PUDP: variants seen among roughly 807,000 people sequenced by gnomAD.
The protein encoded by PUDP is pseudouridine 5'-phosphatase.
In PUDP, 8 loss-of-function variants were observed where a neutral mutation model predicts 9.4. The observed-to-expected ratio is 0.85, with a 90% confidence interval of 0.50 to 1.53. The LOEUF (loss-of-function observed/expected upper bound fraction) is 1.53, where lower values mean the gene tolerates loss of function less well. Among genes scored for constraint, PUDP ranks in the 40% most tolerant of loss-of-function variants. The pLI is 0.00. For missense variants in PUDP, 188 were observed against 189.7 expected, an observed-to-expected ratio of 0.99 and a Z score of 0.05; for synonymous variants, 99 against 80.7, an observed-to-expected ratio of 1.23 and a Z score of -1.22.
chrX:6,932,004 C>A (rs905224241), intron 3 of PUDP, among the ~76,000 whole-genome samples: 2 of 111,986 alleles, frequency 1.8e-5, no homozygotes, highest in East Asian at 5.6e-4. Flanking sequence ...TTAATTCATC[C>A]CTTATCTCAG....
At chrX:6,896,765 G>A (rs1927598508) in intron 3 of PUDP, among the ~76,000 whole-genome samples, 1 of 111,871 alleles carries the variant, frequency 8.9e-6, no homozygotes. Context: ...GGTACATGGA[G>A]ATGTAGACTT....
At chrX:7,136,147 C>T (rs1490993356) in intron 1 of PUDP, among the ~76,000 whole-genome samples, 1 of 111,809 alleles carries the variant, frequency 8.9e-6, no homozygotes, top group Non-Finnish European at 1.9e-5. Flanking sequence ...GTGGAACATC[C>T]TACATTCAGG....
intron 3 of PUDP, among the ~76,000 whole-genome samples, chrX:6,824,281 C>T (rs188640719): frequency 9.0e-6 from 1 of 111,690 alleles, no homozygotes; most frequent in Admixed American, 9.5e-5. Flanking sequence ...CTTCCTTTTC[C>T]ACCATGATTG....
At chrX:7,009,780 A>G (rs1190178883) in intron 1 of PUDP, among the ~76,000 whole-genome samples, 1 of 111,465 alleles carries the variant, frequency 9.0e-6, no homozygotes, top group Non-Finnish European at 1.9e-5. Flanking sequence ...GCACATGTAT[A>G]CATATGTAAC....
intron 3 of PUDP, among the ~76,000 whole-genome samples, chrX:6,792,412 G>A (rs1317327120): frequency 2.8e-5 from 3 of 108,798 alleles, no homozygotes; most frequent in South Asian, 4.0e-4. Flanking sequence ...AGCAGAAGCC[G>A]GCCATAGATA....
upstream of PUDP, among the ~76,000 whole-genome samples, chrX:6,724,086 C>T (rs924994664): frequency 1.2e-4 from 13 of 111,324 alleles, no homozygotes; most frequent in Non-Finnish European, 2.3e-4. Flanking sequence ...AATCTTTTCC[C>T]CTTACATTTT....
intron 1 of PUDP, among the ~76,000 whole-genome samples, chrX:6,980,964 C>T (rs976933368): frequency 2.2e-4 from 25 of 111,327 alleles, no homozygotes; most frequent in African/African-American, 7.9e-4. Flanking sequence ...CTCTCCTTTG[C>T]ATGGTGCTTT....
At chrX:6,961,861 T>C (rs1015421733) in intron 3 of PUDP, among the ~76,000 whole-genome samples, 5 of 111,966 alleles carry the variant, frequency 4.5e-5, no homozygotes, top group Non-Finnish European at 1.9e-5. Flanking sequence ...ACACAGCACA[T>C]GCAAGAAGTC....
chrX:7,095,127 T>C (rs1457955172), intron 2 of PUDP, among the ~76,000 whole-genome samples: 1 of 112,313 alleles, frequency 8.9e-6, no homozygotes, highest in Admixed American at 9.4e-5. Context: ...TACTCTGATG[T>C]TGTCTACCTC....
chrX:6,756,138 A>C (rs1469015801), intron 3 of PUDP, among the ~76,000 whole-genome samples: 2 of 111,338 alleles, frequency 1.8e-5, no homozygotes, highest in East Asian at 2.8e-4. Context: ...GAGGGAAAAA[A>C]GGTGGGGAAA....
chrX:6,811,673 G>T (rs1926146965), intron 3 of PUDP, among the ~76,000 whole-genome samples: 1 of 109,300 alleles, frequency 9.1e-6, no homozygotes, highest in African/African-American at 3.3e-5. Context: ...CTAGCTTCAG[G>T]GTCTCACTGT....
chrX:7,063,522 T>C (rs1416418157), intron 3 of PUDP, among the ~76,000 whole-genome samples: 2 of 112,170 alleles, frequency 1.8e-5, no homozygotes, highest in African/African-American at 3.2e-5. Flanking sequence ...ATCCAGTTGA[T>C]GTGGGGAGAA....
intron 3 of PUDP, among the ~76,000 whole-genome samples, chrX:6,872,287 T>C (rs1330554188): frequency 8.9e-6 from 1 of 111,930 alleles, no homozygotes; most frequent in Non-Finnish European, 1.9e-5. Context: ...GTTTTCATTG[T>C]GCCTTGCCTT....
At chrX:6,732,108 C>A (rs958178717) in intron 3 of PUDP, among the ~76,000 whole-genome samples, 29 of 111,826 alleles carry the variant, frequency 2.6e-4, no homozygotes, top group African/African-American at 8.8e-4. Context: ...ACTTTCTCAA[C>A]AGTTCAGTTT....
intron 1 of PUDP, among the ~76,000 whole-genome samples, chrX:6,980,507 G>C (rs995449145): frequency 1.8e-5 from 2 of 110,752 alleles, no homozygotes; most frequent in African/African-American, 6.6e-5. Context: ...AAAGTGCCTG[G>C]CCTCCTTTTA....
At chrX:7,128,703 G>A (rs1261629841) in intron 1 of PUDP, among the ~76,000 whole-genome samples, 1 of 111,789 alleles carries the variant, frequency 8.9e-6, no homozygotes, top group African/African-American at 3.2e-5. Flanking sequence ...TGTGAATATG[G>A]GAGTGAATAA....
At chrX:6,962,180 G>A (rs1441838645) in intron 3 of PUDP, among the ~76,000 whole-genome samples, 1 of 111,611 alleles carries the variant, frequency 9.0e-6, no homozygotes, top group Non-Finnish European at 1.9e-5. Context: ...TGGTAGAAAT[G>A]CCAGTCACTG....
At chrX:7,030,986 G>A (rs1185155819) in intron 1 of PUDP, among the ~76,000 whole-genome samples, 1 of 111,529 alleles carries the variant, frequency 9.0e-6, no homozygotes, top group East Asian at 2.8e-4. Flanking sequence ...GCTAAACGAG[G>A]GGTTGATTAT....
chrX:7,012,612 G>C (rs985021487), intron 1 of PUDP, among the ~76,000 whole-genome samples: 1 of 111,438 alleles, frequency 9.0e-6, no homozygotes, highest in Non-Finnish European at 1.9e-5. Context: ...CTCTCACTGA[G>C]GGGACTTTAA....
Sources: gnomAD v4.1 joint callset for allele counts (sites outside exome capture counted in the v4.1 genomes callset) on GRCh38, gnomAD v4.1.1 for gene constraint, MANE v1.5 for transcripts, NCBI Gene and HGNC (gene_info 2026-07-23, HGNC 2026-07-21) for gene names.